The following EYA4 variants were observed in gnomAD, a reference collection of about 807,000 sequenced individuals.
The protein encoded by EYA4 is protein phosphatase EYA4.
In EYA4, 31 loss-of-function variants were observed where a neutral mutation model predicts 87.9. That is an observed-to-expected ratio of 0.35 (90% CI 0.27 to 0.48). EYA4 has a LOEUF of 0.48. EYA4 is among the 20% of genes least tolerant of loss of function. The pLI is 0.99. For missense variants in EYA4, 678 were observed against 761.4 expected (o/e 0.89, Z 1.29); for synonymous variants, 263 against 270.6 (o/e 0.97, Z 0.28).
At chr6:133,257,127 A>G (rs1399559625) in intron 1 of EYA4, among the ~76,000 whole-genome samples, 1 of 152,164 alleles carries the variant, frequency 6.6e-6, no homozygotes, top group Admixed American at 6.5e-5. Context: ...CCTCCCAAGA[A>G]ATTTCATGTA....
At chr6:133,259,193 A>AT (rs909915265) in intron 1 of EYA4, among the ~76,000 whole-genome samples, 11 of 151,868 alleles carry the variant, frequency 7.2e-5, no homozygotes, top group East Asian at 3.9e-4. Flanking sequence ...GGAAACAAAG[A>AT]TTTTTTTTTA....
chr6:133,354,291 A>G (rs1300023296), intron 2 of EYA4, among the ~76,000 whole-genome samples: 1 of 152,116 alleles, frequency 6.6e-6, no homozygotes, highest in Non-Finnish European at 1.5e-5. Context: ...GTTATCTTTA[A>G]CTACCAGGAG....
chr6:133,515,622 AGTGTGTGTGTGT>A (rs72318662), intron 17 of EYA4, among the ~76,000 whole-genome samples, 187 bp downstream of exon 17: 33 of 146,742 alleles, frequency 2.2e-4, no homozygotes, highest in South Asian at 4.4e-4. Flanking sequence ...TGTGTGTGTG[AGTGTGTGTGTGT>A]GTGTGTGTGT....
chr6:133,275,964 G>A (rs1777130915), intron 2 of EYA4, among the ~76,000 whole-genome samples: 1 of 152,186 alleles, frequency 6.6e-6, no homozygotes, highest in Non-Finnish European at 1.5e-5. Context: ...AAGGTAAACA[G>A]AAATGGCTAT....
intron 3 of EYA4, among the ~76,000 whole-genome samples, chr6:133,392,285 GC>G (rs770807150): frequency 2.6e-5 from 4 of 151,812 alleles, no homozygotes; most frequent in Non-Finnish European, 5.9e-5. Flanking sequence ...TCTGACTAAT[GC>G]CCTCAATTTT....
At chr6:133,526,379 A>G (rs1361272291) in intron 19 of EYA4, among the ~76,000 whole-genome samples, 1 of 152,186 alleles carries the variant, frequency 6.6e-6, no homozygotes, top group African/African-American at 2.4e-5. Context: ...TGGAATGTTT[A>G]CCTGTTTTCA....
chr6:133,253,816 C>T lies in EYA4; in HGVS notation c.-66+12067C>T, dbSNP rs913993931. The stretch of plus-strand genomic sequence containing the variant: ...TATAACAGCAGATTGTGTTGGGGCT[C>T]ATTGTATGTGTCTGTCTTCTAGAGA... On this transcript the variant is annotated intron_variant, in intron 1 of 19. Transcript: ENST00000355286. 3.3e-5 allele frequency among the ~76,000 whole-genome samples: 5 copies of T among 152,002 alleles called. No individual in the cohort carries two copies. The East Asian group carries it at 9.7e-4, about 29-fold the overall frequency.
chr6:133,473,398 A>C (rs959225929), intron 11 of EYA4, among the ~76,000 whole-genome samples: 2 of 152,128 alleles, frequency 1.3e-5, no homozygotes, highest in Non-Finnish European at 2.9e-5. Flanking sequence ...AAGTAATTAC[A>C]ATAGTGAGAA....
chr6:133,357,506 T>A, intron 2 of EYA4, among the ~76,000 whole-genome samples: 2 of 152,264 alleles, frequency 1.3e-5, no homozygotes, highest in South Asian at 4.1e-4. Flanking sequence ...TAAGATAATT[T>A]TTGAACTGAA....
intron 14 of EYA4, among the ~76,000 whole-genome samples, chr6:133,507,856 T>C (rs1274627900): frequency 6.6e-6 from 1 of 152,190 alleles, no homozygotes; most frequent in Non-Finnish European, 1.5e-5. Context: ...GTCTTTATAG[T>C]AGAATGATTA....
intron 1 of EYA4, among the ~76,000 whole-genome samples, chr6:133,266,015 T>C (rs1776193446): frequency 6.6e-6 from 1 of 152,206 alleles, no homozygotes; most frequent in Admixed American, 6.5e-5. Context: ...CATTCATACT[T>C]TGATGACGTC....
chr6:133,484,345 A>C (rs111548923), intron 13 of EYA4, among the ~76,000 whole-genome samples: 1 of 152,196 alleles, frequency 6.6e-6, no homozygotes, highest in Non-Finnish European at 1.5e-5. Flanking sequence ...AGCTTTGTCT[A>C]TATTAAGCTA....
At chr6:133,425,180 C>T (rs779446090) in intron 3 of EYA4, among the ~76,000 whole-genome samples, 15 of 150,662 alleles carry the variant, frequency 1.0e-4, no homozygotes, top group East Asian at 3.9e-4. Context: ...TATATATATG[C>T]GCCTATAAAT....
chr6:133,331,489 T>C (rs1781955981), intron 2 of EYA4, among the ~76,000 whole-genome samples: 1 of 152,206 alleles, frequency 6.6e-6, no homozygotes, highest in African/African-American at 2.4e-5. Context: ...AATTAAATTA[T>C]CCTGTAATGA....
At chr6:133,356,354 C>G (rs1290487441) in intron 2 of EYA4, among the ~76,000 whole-genome samples, 1 of 152,060 alleles carries the variant, frequency 6.6e-6, no homozygotes, top group Non-Finnish European at 1.5e-5. Context: ...AATGGAGTAA[C>G]CCATGTGCAT....
At chr6:133,362,246 C>T (rs946534130) in intron 2 of EYA4, among the ~76,000 whole-genome samples, 6 of 152,222 alleles carry the variant, frequency 3.9e-5, no homozygotes, top group South Asian at 2.1e-4. Context: ...AGAGTGGGGC[C>T]AGGCTGCTAT....
intron 2 of EYA4, among the ~76,000 whole-genome samples, chr6:133,366,987 A>C (rs1347471938): frequency 6.6e-6 from 1 of 152,140 alleles, no homozygotes; most frequent in Non-Finnish European, 1.5e-5. Context: ...ATTTCTTGGA[A>C]TCATTCAGGA....
chr6:133,382,972 C>T (rs1271015233), intron 3 of EYA4, among the ~76,000 whole-genome samples: 1 of 152,090 alleles, frequency 6.6e-6, no homozygotes, highest in Non-Finnish European at 1.5e-5. Context: ...GAATTTAGCA[C>T]CATTTAGTTG....
intron 2 of EYA4, among the ~76,000 whole-genome samples, chr6:133,336,921 C>T (rs908129146): frequency 1.3e-5 from 2 of 152,016 alleles, no homozygotes; most frequent in African/African-American, 4.8e-5. Context: ...AGATGGCAGG[C>T]TGGGTAGTTA....
Sources: allele counts gnomAD v4.1 joint callset (sites outside exome capture counted in the v4.1 genomes callset), GRCh38; gene constraint gnomAD v4.1.1; transcripts MANE v1.5; gene names NCBI Gene and HGNC (gene_info 2026-07-23, HGNC 2026-07-21).